Variants in SLC1A3 observed in about 807,000 individuals in gnomAD.
SLC1A3 encodes the protein solute carrier family 1 member 3.
A neutral mutation model predicts 48.1 loss-of-function variants in SLC1A3; 21 were observed. The observed-to-expected ratio is 0.44, with a 90% CI of 0.31 to 0.63. The LOEUF (loss-of-function observed/expected upper bound fraction) is 0.63. SLC1A3 is among the 20% of genes least tolerant of loss of function. The probability of loss-of-function intolerance (pLI) is 0.08; values close to 1 mark genes in which losing one functional copy is unlikely to be tolerated. For missense variants in SLC1A3, 546 were observed against 689.0 expected (o/e 0.79, Z 2.32); for synonymous variants, 239 against 251.4 (o/e 0.95, Z 0.47).
chr5:36,663,269 G>A (rs1741589406), intron 3 of SLC1A3, among the ~76,000 whole-genome samples: 1 of 151,902 alleles, frequency 6.6e-6, no homozygotes, highest in Admixed American at 6.6e-5. Context: ...AGGCTGGAGT[G>A]CAGTAGCGTG....
intron 2 of SLC1A3, among the ~76,000 whole-genome samples, chr5:36,610,361 C>A (rs1461786974): frequency 6.6e-6 from 1 of 152,168 alleles, no homozygotes; most frequent in South Asian, 2.1e-4. Flanking sequence ...CTCCTATAGA[C>A]CATTAAGCCA....
intron 8 of SLC1A3, among the ~76,000 whole-genome samples, chr5:36,681,174 G>A (rs878987676): frequency 6.6e-6 from 1 of 152,098 alleles, no homozygotes; most frequent in South Asian, 2.1e-4. Flanking sequence ...GTTCATGTTT[G>A]GTTTGGAAAG....
chr5:36,603,131 G>A (rs1230933063), upstream of SLC1A3, among the ~76,000 whole-genome samples: 2 of 152,226 alleles, frequency 1.3e-5, no homozygotes, highest in African/African-American at 4.8e-5. Context: ...CCATTGACTA[G>A]GAGTGGAGTT....
intron 3 of SLC1A3, chr5:36,630,562 C>A (rs956729060): frequency 1.3e-5 from 2 of 152,186 alleles, no homozygotes; most frequent in African/African-American, 4.8e-5. Flanking sequence ...GGGCATATAC[C>A]ACTCTACCTC....
At chr5:36,601,485 G>T (rs1399512334), upstream of SLC1A3, among the ~76,000 whole-genome samples, 2 of 152,214 alleles carry the variant, frequency 1.3e-5, no homozygotes, top group Non-Finnish European at 2.9e-5. Flanking sequence ...AACTGGGAAA[G>T]GAGAGCATGT....
intron 3 of SLC1A3, among the ~76,000 whole-genome samples, chr5:36,667,188 A>G (rs1741785775): frequency 6.6e-6 from 1 of 152,202 alleles, no homozygotes; most frequent in African/African-American, 2.4e-5. Context: ...TCCATTAAAC[A>G]TGCTCTGGGC....
chr5:36,658,374 C>T (rs1395904849), intron 3 of SLC1A3, among the ~76,000 whole-genome samples: 4 of 151,868 alleles, frequency 2.6e-5, no homozygotes, highest in South Asian at 4.1e-4. Flanking sequence ...TGGGCCAGAG[C>T]GTGAGGACAT....
intron 3 of SLC1A3, among the ~76,000 whole-genome samples, chr5:36,666,027 T>C (rs548771451): frequency 6.6e-6 from 1 of 152,246 alleles, no homozygotes; most frequent in Admixed American, 6.5e-5. Flanking sequence ...ACAATATAGT[T>C]CTAGAGAGAG....
At chr5:36,659,745 T>G (rs566739064) in intron 3 of SLC1A3, among the ~76,000 whole-genome samples, 1 of 152,368 alleles carries the variant, frequency 6.6e-6, no homozygotes, top group Non-Finnish European at 1.5e-5. Context: ...TTAAGTCCTG[T>G]TGACTGTAAT....
chr5:36,678,841 T>G (rs1399619159), intron 6 of SLC1A3, among the ~76,000 whole-genome samples: 1 of 152,220 alleles, frequency 6.6e-6, no homozygotes, highest in African/African-American at 2.4e-5. Flanking sequence ...TTAGAACACC[T>G]ATAACCTGAT....
At chr5:36,656,921 C>T (rs567822402) in intron 3 of SLC1A3, among the ~76,000 whole-genome samples, 1 of 152,306 alleles carries the variant, frequency 6.6e-6, no homozygotes, top group African/African-American at 2.4e-5. Flanking sequence ...GAACTTAAGG[C>T]ATATACTTTA....
chr5:36,603,392 A>G (rs1467988867), upstream of SLC1A3, among the ~76,000 whole-genome samples: 1 of 152,224 alleles, frequency 6.6e-6, no homozygotes, highest in Non-Finnish European at 1.5e-5. Flanking sequence ...CTTAATAATT[A>G]CGATGCGTTT....
rs183608489 is a variant in SLC1A3 at position 36,644,737 on chromosome 5, C to T, written c.319+15150C>T. Among the ~76,000 whole-genome samples, 385 of 152,276 alleles carry T rather than the reference C, an allele frequency of 2.5e-3. 1 individual carries two copies. The highest frequency in any genetic ancestry group is 4.3e-3 in the Non-Finnish European group (294 of 68,034). ...ACTGCTTTGAGTTAGATAGCTGCTC[C>T]CTATCCTAAATTTTACTTTCTAAGA... On this transcript the variant is annotated intron_variant, in intron 3 of 9. Coordinates refer to ENST00000265113, the MANE Select transcript of SLC1A3 (RefSeq NM_004172.5).
chr5:36,678,515 T>C (rs1481431036), intron 6 of SLC1A3, among the ~76,000 whole-genome samples: 1 of 152,242 alleles, frequency 6.6e-6, no homozygotes, highest in Non-Finnish European at 1.5e-5. Flanking sequence ...AAACAGGTAT[T>C]CCTATGATTT....
chr5:36,611,967 T>C (rs13362437), intron 2 of SLC1A3, among the ~76,000 whole-genome samples: 2,901 of 152,228 alleles, frequency 0.019, 97 homozygotes, highest in African/African-American at 0.067. Context: ...TTGGGGGATA[T>C]GTATAAATAG....
chr5:36,603,213 C>T (rs963330042), upstream of SLC1A3, among the ~76,000 whole-genome samples: 4 of 152,246 alleles, frequency 2.6e-5, no homozygotes, highest in African/African-American at 4.8e-5. Flanking sequence ...CCATGCCACA[C>T]GATGGCTGCT....
upstream of SLC1A3, among the ~76,000 whole-genome samples, chr5:36,604,450 A>T (rs2111634822): frequency 6.6e-6 from 1 of 152,336 alleles, no homozygotes; most frequent in South Asian, 2.1e-4. Flanking sequence ...CTTTTGCTAT[A>T]GCTTTCCAGA....
chr5:36,637,288 T>A (rs1373394909), intron 3 of SLC1A3, among the ~76,000 whole-genome samples: 1 of 152,216 alleles, frequency 6.6e-6, no homozygotes, highest in East Asian at 1.9e-4. Context: ...GTTAAGCTTG[T>A]GGTCAACTAA....
intron 9 of SLC1A3, among the ~76,000 whole-genome samples, chr5:36,685,088 A>G (rs1742590935): frequency 6.6e-6 from 1 of 152,186 alleles, no homozygotes; most frequent in African/African-American, 2.4e-5. Flanking sequence ...ATTCATATTT[A>G]TCATATTAGA....
Sources: gnomAD v4.1 joint callset for allele counts (sites outside exome capture counted in the v4.1 genomes callset) on GRCh38, gnomAD v4.1.1 for gene constraint, MANE v1.5 for transcripts, NCBI Gene and HGNC (gene_info 2026-07-23, HGNC 2026-07-21) for gene names.